Variants in TEKTL1 observed in about 807,000 individuals in gnomAD.
TEKTL1 encodes tektin like 1.
At chr19:15,011,141 T>TACGCCCGCCTGCC in the TEKTL1 span, 1 of 1,518,874 alleles carries the variant, frequency 6.6e-7, no homozygotes, top group South Asian at 1.3e-5. Context: ...GCCCGCCTGG[T>TACGCCCGCCTGCC]ACGCCCGCCT....
At chr19:15,016,223 T>C in the TEKTL1 span, among the ~76,000 whole-genome samples, 1 of 140,622 alleles carries the variant, frequency 7.1e-6, no homozygotes, top group Non-Finnish European at 1.5e-5. Context: ...TTGGCTCTAT[T>C]GCCCAGGCTG....
At chr19:15,020,412 C>G in the TEKTL1 span, 31 of 1,541,002 alleles carry the variant, frequency 2.0e-5, no homozygotes, top group Non-Finnish European at 1.3e-5. Flanking sequence ...CATCCACTTC[C>G]CTCAACCTCC....
the TEKTL1 span, among the ~76,000 whole-genome samples, chr19:15,020,307 C>CAAAAA: frequency 7.2e-6 from 1 of 139,100 alleles, no homozygotes. Context: ...GATTTTGTCT[C>CAAAAA]AAAAAAAAAA....
At chr19:15,013,855 G>T in the TEKTL1 span, 1 of 819,766 alleles carries the variant, frequency 1.2e-6, no homozygotes. Flanking sequence ...CTCTGACCTG[G>T]GGACTGTCAC....
At chr19:15,022,988 G>A in the TEKTL1 span, 1 of 1,613,344 alleles carries the variant, frequency 6.2e-7, no homozygotes, top group Non-Finnish European at 8.5e-7. Context: ...GCATGAGGTG[G>A]ACGGCAACGT....
chr19:15,012,627 GTGAGCCCTGCCCAAGGAGA>G, the TEKTL1 span, among the ~76,000 whole-genome samples: 12 of 152,042 alleles, frequency 7.9e-5, no homozygotes, highest in African/African-American at 2.9e-4. Context: ...GACCCAAAGA[GTGAGCCCTGCCCAAGGAGA>G]TGAGATCCTC....
At chr19:15,012,129 C>T in the TEKTL1 span, among the ~76,000 whole-genome samples, 1 of 151,418 alleles carries the variant, frequency 6.6e-6, no homozygotes, top group Admixed American at 6.6e-5. Context: ...AGCATGGTGG[C>T]ATGCACTTAT....
At chr19:15,016,812 A>G in the TEKTL1 span, among the ~76,000 whole-genome samples, 1 of 152,208 alleles carries the variant, frequency 6.6e-6, no homozygotes, top group Admixed American at 6.5e-5. Flanking sequence ...ACAACGAGAA[A>G]TGATATGCAT....
chr19:15,021,465 C>A, the TEKTL1 span: 1 of 1,614,218 alleles, frequency 6.2e-7, no homozygotes, highest in Non-Finnish European at 8.5e-7. Flanking sequence ...TGCAGATAAG[C>A]GACCGTGTGT....
At chr19:15,021,772 G>T in the TEKTL1 span, 17 of 1,612,494 alleles carry the variant, frequency 1.1e-5, no homozygotes, top group Non-Finnish European at 1.4e-5. Flanking sequence ...CTGGAGGCTG[G>T]GTTTCAATGC....
At chr19:15,013,733 G>C in the TEKTL1 span, 1 of 1,613,858 alleles carries the variant, frequency 6.2e-7, no homozygotes, top group Non-Finnish European at 8.5e-7. Context: ...AGCATGAAGA[G>C]GAAAATGGAG....
chr19:15,011,181 C>T, the TEKTL1 span: 1 of 1,488,120 alleles, frequency 6.7e-7, no homozygotes. Context: ...AAAGCGCGCG[C>T]CCTGCAGACC....
chr19:15,021,696 C>T, the TEKTL1 span: 27 of 1,613,870 alleles, frequency 1.7e-5, no homozygotes, highest in Non-Finnish European at 2.2e-5. Context: ...TGTACACCAC[C>T]CACGGTCTCA....
At chr19:15,020,457 C>A in the TEKTL1 span, 2 of 1,612,352 alleles carry the variant, frequency 1.2e-6, no homozygotes, top group African/African-American at 2.7e-5. Flanking sequence ...CCCTCCCCAC[C>A]CAGACCCTGG....
At chr19:15,017,109 C>A in the TEKTL1 span, among the ~76,000 whole-genome samples, 1 of 152,120 alleles carries the variant, frequency 6.6e-6, no homozygotes, top group African/African-American at 2.4e-5. Flanking sequence ...GTAGTCCTAG[C>A]TATTTAGGAG....
the TEKTL1 span, among the ~76,000 whole-genome samples, chr19:15,016,497 T>C: frequency 6.6e-6 from 1 of 152,206 alleles, no homozygotes; most frequent in Non-Finnish European, 1.5e-5. Context: ...TGGACTGCTG[T>C]CTTGCTGGTC....
chr19:15,022,980 A>T, the TEKTL1 span: 6 of 1,613,338 alleles, frequency 3.7e-6, no homozygotes, highest in Non-Finnish European at 5.1e-6. Context: ...AACATCGGGC[A>T]TGAGGTGGAC....
the TEKTL1 span, chr19:15,021,538 G>A: frequency 1.9e-6 from 3 of 1,613,582 alleles, no homozygotes; most frequent in Non-Finnish European, 2.5e-6. Flanking sequence ...ATTACCTGCG[G>A]CTGCGGGCCA....
the TEKTL1 span, chr19:15,022,964 T>G: frequency 5.8e-5 from 94 of 1,613,222 alleles, no homozygotes; most frequent in Non-Finnish European, 9.3e-6. Context: ...GGGCCTCAAC[T>G]GCAAGAACAT....
Sources: gnomAD v4.1 joint callset for allele counts (sites outside exome capture counted in the v4.1 genomes callset) on GRCh38, gnomAD v4.1.1 for gene constraint, MANE v1.5 for transcripts, NCBI Gene and HGNC (gene_info 2026-07-23, HGNC 2026-07-21) for gene names.